ORC3: variants seen among roughly 807,000 people sequenced by gnomAD.
ORC3 encodes the protein origin recognition complex subunit 3.
ORC3 carries 78 observed loss-of-function variants against 100.7 expected under a neutral mutation model. The ratio of observed to expected loss-of-function variants is 0.77; its 90% CI spans 0.65 to 0.94. The LOEUF is 0.94. Among genes scored for constraint, ORC3 ranks in the 40% least tolerant of loss-of-function variants. The pLI, the probability that ORC3 is intolerant of heterozygous loss-of-function variation, is 0.00. For missense variants in ORC3, 789 were observed against 823.9 expected, an observed-to-expected ratio of 0.96 and a Z score of 0.52; for synonymous variants, 295 against 289.3, an observed-to-expected ratio of 1.02 and a Z score of -0.20.
Position 87,664,820 on chromosome 6 carries a change from A to C in ORC3, c.1911A>C (p.Leu637=). ...TCTGCATAGCATACAAACTGCACCT[A>C]GAGTGTAGCAGGCTCATCAACCTCG... The part of the protein sequence containing the change: ...PDICIAYKLH[L]ECSRLINLVD... Residue 637 remains leucine, a synonymous_variant, in exon 18 of 20, where the codon CTA becomes CTC. Coordinates refer to ENST00000392844, the MANE Select transcript of ORC3 (RefSeq NM_012381.4). The C allele has an allele frequency of 6.2e-7, 1 of 1,613,948 alleles. No individual in the cohort carries two copies. Among genetic ancestry groups the C allele is most frequent in the South Asian group, 1.1e-5 (1 of 91,078 alleles).
At chr6:87,668,256 A>C (rs529106181), downstream of ORC3, among the ~76,000 whole-genome samples, 1 of 152,318 alleles carries the variant, frequency 6.6e-6, no homozygotes, top group East Asian at 1.9e-4. Flanking sequence ...CTTGGTTTGC[A>C]AACCTTAGAA....
the ORC3 span, among the ~76,000 whole-genome samples, chr6:87,676,261 G>A: frequency 1.4e-4 from 19 of 139,064 alleles, no homozygotes; most frequent in South Asian, 7.0e-4. Context: ...TCAGAAGATC[G>A]AGACCATCCT....
chr6:87,652,064 A>G (rs1341490908), intron 13 of ORC3, among the ~76,000 whole-genome samples: 1 of 151,896 alleles, frequency 6.6e-6, no homozygotes, highest in Non-Finnish European at 1.5e-5. Flanking sequence ...ACACCCGGCT[A>G]ATTTTTTATA....
Position 87,621,944 on chromosome 6 carries a change from T to G in ORC3, c.1122-6T>G, listed in dbSNP as rs553213111. 1 of 1,596,402 alleles carries G rather than the reference T, an allele frequency of 6.3e-7. No homozygotes were observed. Among genetic ancestry groups the G allele is most frequent in the African/African-American group, 1.3e-5 (1 of 74,564 alleles). ...CTTTTTATGTATGGAATGGTGAAAA[T>G]TCTAGGTACGTGGAAAAGCAAGCTT... On this transcript the variant is annotated splice_polypyrimidine_tract_variant and splice_region_variant and intron_variant, in intron 10 of 19. Transcript: ENST00000392844.
At chr6:87,601,416 A>G (rs1394178997) in intron 2 of ORC3, among the ~76,000 whole-genome samples, 2 of 152,226 alleles carry the variant, frequency 1.3e-5, no homozygotes, top group African/African-American at 4.8e-5. Flanking sequence ...CACACTTGTA[A>G]TCCCAGTACT....
intron 13 of ORC3, among the ~76,000 whole-genome samples, chr6:87,636,768 G>C (rs1038365630): frequency 6.6e-6 from 1 of 152,190 alleles, no homozygotes; most frequent in Non-Finnish European, 1.5e-5. Flanking sequence ...AGAGAGCTTA[G>C]ATATGGATCA....
downstream of ORC3, among the ~76,000 whole-genome samples, chr6:87,668,582 G>A (rs1453882945): frequency 6.6e-6 from 1 of 152,148 alleles, no homozygotes; most frequent in Non-Finnish European, 1.5e-5. Context: ...ATTAATATGA[G>A]CTTAGAATAA....
chr6:87,640,646 T>C (rs1320481471), intron 13 of ORC3, among the ~76,000 whole-genome samples: 1 of 152,196 alleles, frequency 6.6e-6, no homozygotes, highest in East Asian at 1.9e-4. Flanking sequence ...AGTACAACTG[T>C]TTTTCCTTAT....
intron 13 of ORC3, among the ~76,000 whole-genome samples, chr6:87,642,851 G>A (rs1228228219): frequency 2.7e-5 from 4 of 146,160 alleles, no homozygotes; most frequent in East Asian, 4.1e-4. Flanking sequence ...GCAGTGAGCC[G>A]AGATCGCACC....
the ORC3 span, among the ~76,000 whole-genome samples, chr6:87,673,602 G>A: frequency 4.6e-5 from 7 of 152,054 alleles, no homozygotes; most frequent in Non-Finnish European, 8.8e-5. Context: ...CAGCACTTTG[G>A]GAGGCTGAGG....
At chr6:87,633,801 G>C (rs1168527636) in intron 11 of ORC3, among the ~76,000 whole-genome samples, 1 of 152,130 alleles carries the variant, frequency 6.6e-6, no homozygotes, top group East Asian at 1.9e-4. Context: ...CAGAGTAAGT[G>C]GTTATAAAAG....
chr6:87,645,695 G>A (rs1768709562), intron 13 of ORC3, among the ~76,000 whole-genome samples: 1 of 152,146 alleles, frequency 6.6e-6, no homozygotes, highest in South Asian at 2.1e-4. Context: ...CTTGTAGCCA[G>A]TTCTTATAAT....
At chr6:87,590,969 T>C (rs1776840175) in intron 1 of ORC3, among the ~76,000 whole-genome samples, 1 of 152,176 alleles carries the variant, frequency 6.6e-6, no homozygotes, top group Non-Finnish European at 1.5e-5. Flanking sequence ...AGACATAGTG[T>C]AGTTGGTAAG....
chr6:87,616,176 T>G (rs1297882999), intron 8 of ORC3, 138 bp from the exon 9 acceptor site: 1 of 424,348 alleles, frequency 2.4e-6, no homozygotes, highest in Non-Finnish European at 4.3e-6. Flanking sequence ...CATTTGAGCT[T>G]AAAAAACTAG....
chr6:87,594,678 G>A, intron 2 of ORC3: 1 of 538,422 alleles, frequency 1.9e-6, no homozygotes, highest in Non-Finnish European at 2.5e-6. Flanking sequence ...TTGTCTTTTT[G>A]ATTACTTCTC....
In ORC3 at chr6:87,594,396, C is replaced by G; in HGVS notation, c.68C>G (p.Ser23Cys). ...FKPNSKKRKI[S>C]LPIEDYFNKG... ...CCAAACTCCAAAAAGAGAAAGATCTCTCTGCCAATAGGTAAGGTGTCTGAA... is the reference window on the plus strand; with the variant it reads ...CCAAACTCCAAAAAGAGAAAGATCTGTCTGCCAATAGGTAAGGTGTCTGAA... Residue 23 changes from serine to cysteine, a missense_variant, in exon 2 of 20, where the codon TCT becomes TGT. Transcript: ENST00000392844. The G allele has an allele frequency of 6.3e-7, 1 of 1,583,068 alleles. No homozygotes were observed. Among genetic ancestry groups the G allele is most frequent in the Non-Finnish European group, 8.6e-7 (1 of 1,158,602 alleles).
At chr6:87,665,617 A>G (rs914564917) in intron 18 of ORC3, 137 bp from the exon 19 acceptor site, 9 of 594,438 alleles carry the variant, frequency 1.5e-5, no homozygotes, top group Non-Finnish European at 2.7e-5. Flanking sequence ...AGTGATCATC[A>G]GTGTAGTTTT....
chr6:87,663,160 A>G lies in ORC3; in HGVS notation c.1833+16A>G. On this transcript the variant is annotated intron_variant, in intron 17 of 19. Transcript: ENST00000392844. ...TTATCTCAAGGTAAGATGAACATTT[A>G]GTTTTCTGATAGTTTAGCTCAGACT... is the stretch of plus-strand genomic sequence containing the variant. 6.3e-7 allele frequency: 1 copy of G among 1,599,266 alleles called. No homozygotes were observed.
intron 2 of ORC3, among the ~76,000 whole-genome samples, chr6:87,597,242 T>C (rs2128244734): frequency 6.6e-6 from 1 of 152,320 alleles, no homozygotes; most frequent in Non-Finnish European, 1.5e-5. Context: ...TTAAATAATA[T>C]TGTGCATGAA....
Sources: allele counts gnomAD v4.1 joint callset (sites outside exome capture counted in the v4.1 genomes callset), GRCh38; gene constraint gnomAD v4.1.1; transcripts MANE v1.5; gene names NCBI Gene and HGNC (gene_info 2026-07-23, HGNC 2026-07-21).